Variants in IL2RA observed in about 807,000 individuals in gnomAD.
The protein encoded by IL2RA is interleukin-2 receptor subunit alpha.
A neutral mutation model predicts 37.8 loss-of-function variants in IL2RA; 24 were observed. The observed-to-expected ratio is 0.63, with a 90% CI of 0.46 to 0.89. The LOEUF (loss-of-function observed/expected upper bound fraction) is 0.89. Among genes scored for constraint, IL2RA ranks in the 40% least tolerant of loss-of-function variants. The pLI is 0.00. For synonymous variants in IL2RA, 125 were observed against 114.6 expected (o/e 1.09, Z -0.58); for missense variants, 319 against 348.6 (o/e 0.92, Z 0.68).
chr10:6,012,438 T>G lies in IL2RA; in HGVS notation c.*434A>C. On this transcript the variant is annotated 3_prime_UTR_variant, in exon 8 of 8. Transcript: ENST00000379959. This position sits in a 1 kb window ranked among gnomAD's most constrained non-coding sequence, Gnocchi z 4.8. Reference sequence around the variant, plus strand: ...CCAGTTGTATAGGGTAGAGTGTGTGTGTTGTGTATTTACGTTAGTGCTGGG... The same window carrying G: ...CCAGTTGTATAGGGTAGAGTGTGTGGGTTGTGTATTTACGTTAGTGCTGGG... 4.0e-6 allele frequency: 1 copy of G among 247,634 alleles called. No homozygotes were observed. Among genetic ancestry groups the G allele is most frequent in the Non-Finnish European group, 8.0e-6 (1 of 124,868 alleles). 15.3% of individuals were successfully genotyped at this position (247,634 alleles called of 1,614,324 possible).
At position 6,056,121 on chromosome 10, in the gene IL2RA, A is replaced by C. The variant is rs1441525142; in HGVS notation, c.64+5967T>G. The stretch of plus-strand genomic sequence containing the variant: ...CAATTATATTATTGTTTTCCCCTAA[A>C]TGAGTGAGTTACTTGAGAATATGGT... On this transcript the variant is annotated intron_variant, in intron 1 of 7. Coordinates refer to ENST00000379959, the MANE Select transcript of IL2RA (RefSeq NM_000417.3). The surrounding 1 kb of genome is among the most constrained non-coding windows in gnomAD (Gnocchi z 5.0). Among the ~76,000 whole-genome samples the C allele has an allele frequency of 6.6e-6, 1 of 152,202 alleles. No homozygotes were observed. The highest frequency in any genetic ancestry group is 1.9e-4 in the East Asian group (1 of 5,196).
chr10:6,036,915 C>G lies in IL2RA; in HGVS notation c.65-10890G>C, dbSNP rs979598870. ...TGCAGAGCCCCCGGGATCTTGCAGA[C>G]TGGGATTTGTCAGGGCAGGTGTGGA... On this transcript the variant is annotated intron_variant, in intron 1 of 7. Transcript: ENST00000379959. The surrounding 1 kb of genome is among the most constrained non-coding windows in gnomAD (Gnocchi z 6.1). 5.3e-5 allele frequency among the ~76,000 whole-genome samples: 8 copies of G among 152,200 alleles called. No homozygotes were observed. Among genetic ancestry groups the G allele is most frequent in the African/African-American group, 1.9e-4 (8 of 41,516 alleles).
intron 1 of IL2RA, among the ~76,000 whole-genome samples, chr10:6,059,271 C>T (rs565041293): frequency 3.9e-5 from 6 of 152,312 alleles, no homozygotes; most frequent in African/African-American, 1.2e-4. Context: ...CTCCATAAAG[C>T]GCTGACCCTG....
chr10:6,023,520 G>A (rs1244508164), intron 3 of IL2RA, among the ~76,000 whole-genome samples: 65 of 152,160 alleles, frequency 4.3e-4, no homozygotes, highest in Admixed American at 4.3e-3. Context: ...TATGATTGTA[G>A]AGACAAGGTT....
rs1451473295 is a variant in IL2RA at position 6,020,590 on chromosome 10, G to A, written c.584-649C>T. ...TTGCTGTTGCCCAGGCTGGAGTGCA[G>A]TGGTGTGATCTCAGCTCACTGCAAC... On this transcript the variant is annotated intron_variant, in intron 4 of 7. Transcript: ENST00000379959. The surrounding 1 kb of genome is among the most constrained non-coding windows in gnomAD (Gnocchi z 5.6). Among the ~76,000 whole-genome samples the A allele has an allele frequency of 6.6e-6, 1 of 151,946 alleles. No homozygotes were observed. The highest frequency in any genetic ancestry group is 2.4e-5 in the African/African-American group (1 of 41,334).
rs1046586851 is a variant in IL2RA, at chr10:6,036,012, G to T, written c.65-9987C>A. 3 of 152,312 alleles carry T rather than the reference G, an allele frequency of 2.0e-5. No homozygotes were observed. Among genetic ancestry groups the T allele is most frequent in the Non-Finnish European group, 4.4e-5 (3 of 68,116 alleles). 9.4% of individuals were successfully genotyped at this position (152,312 alleles called of 1,614,324 possible). On this transcript the variant is annotated intron_variant, in intron 1 of 7. Transcript: ENST00000379959. The surrounding 1 kb of genome is among the most constrained non-coding windows in gnomAD (Gnocchi z 6.1). ...TTGTCTGGCTGACGCCTTGGCAATCGCAAGTGACAGTGACGGAGAGCCACC... is the reference window on the plus strand; with the variant it reads ...TTGTCTGGCTGACGCCTTGGCAATCTCAAGTGACAGTGACGGAGAGCCACC...
In IL2RA at chr10:6,021,735, G is replaced by T; in HGVS notation, c.368-42C>A. The T allele has an allele frequency of 6.4e-7, 1 of 1,557,962 alleles. No homozygotes were observed. The highest frequency in any genetic ancestry group is 2.2e-5 in the East Asian group (1 of 44,616). ...ATGCTCTGAAGGCAAGTTGGGGACAGCACCGCGAGTGAGTCCAGGTTGCCT... is the reference window on the plus strand; with the variant it reads ...ATGCTCTGAAGGCAAGTTGGGGACATCACCGCGAGTGAGTCCAGGTTGCCT... On this transcript the variant is annotated intron_variant, in intron 3 of 7. Transcript: ENST00000379959. This position sits in a 1 kb window ranked among gnomAD's most constrained non-coding sequence, Gnocchi z 4.9.
rs1375905263 is a variant in IL2RA, at chr10:6,019,945, G to A, written c.584-4C>T. On this transcript the variant is annotated splice_region_variant and splice_polypyrimidine_tract_variant and intron_variant, in intron 4 of 7. Transcript: ENST00000379959. Reference sequence around the variant, plus strand: ...CTTGCCTGAGGCTTCTCTTCACCTGGGGGAGAGAGTAAGTGATGCTGGTGG... The same window carrying A: ...CTTGCCTGAGGCTTCTCTTCACCTGAGGGAGAGAGTAAGTGATGCTGGTGG... 2 of 1,613,136 alleles carry A rather than the reference G, an allele frequency of 1.2e-6. No homozygotes were observed. Among genetic ancestry groups the A allele is most frequent in the East Asian group, 2.2e-5 (1 of 44,870 alleles).
intron 1 of IL2RA, among the ~76,000 whole-genome samples, chr10:6,049,122 G>A (rs2132891973): frequency 6.6e-6 from 1 of 152,350 alleles, no homozygotes; most frequent in South Asian, 2.1e-4. Flanking sequence ...GCTGGAGCTG[G>A]ATAACTAGGA....
chr10:6,037,283 G>C (rs1839702953), intron 1 of IL2RA, among the ~76,000 whole-genome samples: 1 of 152,106 alleles, frequency 6.6e-6, no homozygotes, highest in Non-Finnish European at 1.5e-5. Context: ...CAAAGTAAGA[G>C]AAAACTCATC....
Position 6,047,475 on chromosome 10 carries a change from A to G in IL2RA, c.64+14613T>C, listed in dbSNP as rs1839882886. ...ATGCACCCTGTGCCTCCGGGCCACC[A>G]AAAACAGCAATCACGTCAGCTGAGA... is the stretch of plus-strand genomic sequence containing the variant. On this transcript the variant is annotated intron_variant, in intron 1 of 7. Transcript: ENST00000379959. This position sits in a 1 kb window ranked among gnomAD's most constrained non-coding sequence, Gnocchi z 5.0. Among the ~76,000 whole-genome samples, 1 of 152,202 alleles carries G rather than the reference A, an allele frequency of 6.6e-6. No individual in the cohort carries two copies. Among genetic ancestry groups the G allele is most frequent in the Non-Finnish European group, 1.5e-5 (1 of 68,030 alleles).
rs766745489 is a variant in IL2RA at position 6,062,310 on chromosome 10, A to T, written c.-159T>A. ...ACCCTTGTGGGTCCATCCAGTCTCT[A>T]TCGGAGTCAGGAGTTGCTCTCTTTA... On this transcript the variant is annotated 5_prime_UTR_variant, in exon 1 of 8. Coordinates refer to ENST00000379959, the MANE Select transcript of IL2RA (RefSeq NM_000417.3). The T allele has an allele frequency of 3.8e-5, 24 of 625,210 alleles. No homozygotes were observed. Among genetic ancestry groups the T allele is most frequent in the Non-Finnish European group, 6.2e-5 (21 of 340,776 alleles). The allele number at this position is 625,210 out of a possible 1,614,324, so 38.7% of individuals were successfully genotyped here.
intron 1 of IL2RA, among the ~76,000 whole-genome samples, chr10:6,042,188 A>G (rs12722648): frequency 2.3e-4 from 32 of 137,122 alleles, no homozygotes; most frequent in African/African-American, 8.0e-4. Context: ...GTCAGAGTTT[A>G]TCCCAGCAAT....
At position 6,019,431 on chromosome 10, in the gene IL2RA, C is replaced by T. The variant is rs1247001197; in HGVS notation, c.724G>A (p.Ala242Thr). Residue 242 changes from alanine to threonine, a missense_variant, in exon 6 of 8, where the codon GCA (alanine) becomes ACA (threonine). Transcript: ENST00000379959. ...ACAAAGCCAGTGCCCCACTCACCTG[C>T]TACCTGGTACTCTGTTGTAAATATG... ...TSIFTTEYQV[A>T]VAGCVFLLIS... 10 of 1,610,360 alleles carry T rather than the reference C, an allele frequency of 6.2e-6. No individual in the cohort carries two copies. Among genetic ancestry groups the T allele is most frequent in the Non-Finnish European group, 8.5e-6 (10 of 1,176,508 alleles).
At position 6,012,920 on chromosome 10, in the gene IL2RA, G is replaced by A. The variant is rs369719952; in HGVS notation, c.795-24C>T. The A allele has an allele frequency of 4.7e-5, 76 of 1,612,682 alleles. No homozygotes were observed. The highest frequency in any genetic ancestry group is 3.6e-4 in the African/African-American group (27 of 74,964). On this transcript the variant is annotated intron_variant, in intron 7 of 7. Transcript: ENST00000379959. This position sits in a 1 kb window ranked among gnomAD's most constrained non-coding sequence, Gnocchi z 4.8. ...TCCTGTAGTGGTGTAACAAAGTCACGGTCATATGTGTAACACGGCACCAAA... is the reference window on the plus strand; with the variant it reads ...TCCTGTAGTGGTGTAACAAAGTCACAGTCATATGTGTAACACGGCACCAAA...
chr10:6,020,593 G>C lies in IL2RA; in HGVS notation c.584-652C>G, dbSNP rs1839368285. 1.3e-5 allele frequency among the ~76,000 whole-genome samples: 2 copies of C among 152,010 alleles called. No individual in the cohort carries two copies. The highest frequency in any genetic ancestry group is 4.8e-5 in the African/African-American group (2 of 41,360). On this transcript the variant is annotated intron_variant, in intron 4 of 7. Coordinates refer to ENST00000379959, the MANE Select transcript of IL2RA (RefSeq NM_000417.3). The surrounding 1 kb of genome is among the most constrained non-coding windows in gnomAD (Gnocchi z 5.6). ...CTGTTGCCCAGGCTGGAGTGCAGTG[G>C]TGTGATCTCAGCTCACTGCAACTCC...
rs1839670268 is a variant in IL2RA, at chr10:6,035,754, G to A, written c.65-9729C>T. 1.3e-5 allele frequency among the ~76,000 whole-genome samples: 2 copies of A among 152,208 alleles called. No individual in the cohort carries two copies. The highest frequency in any genetic ancestry group is 6.5e-5 in the Admixed American group (1 of 15,290). ...GGCCTGGGACCCACACCAAGACAGA[G>A]TCAAACCGAGTTCTTCTAGTGTTGA... is the stretch of plus-strand genomic sequence containing the variant. On this transcript the variant is annotated intron_variant, in intron 1 of 7. Transcript: ENST00000379959. This position sits in a 1 kb window ranked among gnomAD's most constrained non-coding sequence, Gnocchi z 5.4.
Position 6,015,766 on chromosome 10 carries a change from G to A in IL2RA, c.794+2287C>T, listed in dbSNP as rs1484111462. On this transcript the variant is annotated intron_variant, in intron 7 of 7. Coordinates refer to ENST00000379959, the MANE Select transcript of IL2RA (RefSeq NM_000417.3). The surrounding 1 kb of genome is among the most constrained non-coding windows in gnomAD (Gnocchi z 4.9). ...GCTAGTTCAAGTTTGAAAACCAATGGCCGGGTGTAGGGTTGTCAAACCTGG... is the reference window on the plus strand; with the variant it reads ...GCTAGTTCAAGTTTGAAAACCAATGACCGGGTGTAGGGTTGTCAAACCTGG... Among the ~76,000 whole-genome samples, 7 of 152,122 alleles carry A rather than the reference G, an allele frequency of 4.6e-5. No individual in the cohort carries two copies. Among genetic ancestry groups the A allele is most frequent in the Admixed American group, 2.6e-4 (4 of 15,262 alleles).
intron 1 of IL2RA, among the ~76,000 whole-genome samples, chr10:6,053,537 A>G (rs1263199231): frequency 1.3e-5 from 2 of 152,240 alleles, no homozygotes; most frequent in Non-Finnish European, 2.9e-5. Context: ...CATGTTTCCT[A>G]GTCTATAGCT....
Sources: gnomAD v4.1 joint callset for allele counts (sites outside exome capture counted in the v4.1 genomes callset) on GRCh38, gnomAD v4.1.1 for gene constraint, Gnocchi (gnomAD v3.1) non-coding constraint, MANE v1.5 for transcripts, NCBI Gene and HGNC (gene_info 2026-07-23, HGNC 2026-07-21) for gene names.